The following PHACTR1 variants were observed in gnomAD, a reference collection of about 807,000 sequenced individuals.
PHACTR1 encodes the protein phosphatase and actin regulator 1, also known as RPEL repeat containing 1.
In PHACTR1, 16 loss-of-function variants were observed where a neutral mutation model predicts 69.2. That is an observed-to-expected ratio of 0.23 (90% confidence interval 0.16 to 0.35). PHACTR1 has a LOEUF of 0.35. Among genes scored for constraint, PHACTR1 ranks in the 10% least tolerant of loss-of-function variants. PHACTR1 has a pLI of 1.00. For missense variants in PHACTR1, 510 were observed against 734.7 expected (o/e 0.69, Z 3.54); for synonymous variants, 312 against 284.5 (o/e 1.10, Z -0.97).
At chr6:12,916,129 A>G (rs1256142656) in intron 4 of PHACTR1, among the ~76,000 whole-genome samples, 2 of 152,162 alleles carry the variant, frequency 1.3e-5, no homozygotes, top group Non-Finnish European at 2.9e-5. Flanking sequence ...AAACTGCTCC[A>G]AAAACTAGTT....
chr6:12,920,799 C>G (rs548240231), intron 4 of PHACTR1, among the ~76,000 whole-genome samples: 8 of 152,302 alleles, frequency 5.3e-5, no homozygotes, highest in Admixed American at 2.0e-4. Context: ...TGTCAAGCAG[C>G]TTTTGGGGAT....
At chr6:13,079,169 T>C (rs1218474759) in intron 5 of PHACTR1, among the ~76,000 whole-genome samples, 1 of 152,146 alleles carries the variant, frequency 6.6e-6, no homozygotes, top group Non-Finnish European at 1.5e-5. Flanking sequence ...TGAATCATGA[T>C]CACGGCTCTT....
chr6:12,919,933 C>A (rs910356983), intron 4 of PHACTR1, among the ~76,000 whole-genome samples: 4 of 152,204 alleles, frequency 2.6e-5, no homozygotes, highest in African/African-American at 4.8e-5. Context: ...AATTCACACA[C>A]ATTACTGCTT....
chr6:13,100,306 T>C (rs1255348643), intron 5 of PHACTR1, among the ~76,000 whole-genome samples: 1 of 152,180 alleles, frequency 6.6e-6, no homozygotes, highest in Admixed American at 6.5e-5. Context: ...AGGCAAAAGG[T>C]CTGTAGTGAT....
chr6:12,939,998 C>A (rs529815856), intron 4 of PHACTR1, among the ~76,000 whole-genome samples: 138 of 152,252 alleles, frequency 9.1e-4, no homozygotes, highest in Middle Eastern at 3.4e-3. Context: ...TAGGTAAATG[C>A]GGCAAGAAAG....
intron 4 of PHACTR1, among the ~76,000 whole-genome samples, chr6:13,003,974 T>TATATATATATAGATAG (rs1562120104): frequency 1.5e-5 from 2 of 130,874 alleles, no homozygotes; most frequent in African/African-American, 6.6e-5. Flanking sequence ...TGTATATATA[T>TATATATATATAGATAG]ATATACACAT....
intron 9 of PHACTR1, among the ~76,000 whole-genome samples, chr6:13,228,309 C>T (rs1770153509): frequency 6.6e-6 from 1 of 152,126 alleles, no homozygotes; most frequent in Non-Finnish European, 1.5e-5. Context: ...TTACTGCCAC[C>T]TCCTACCTCT....
chr6:13,023,537 G>A (rs182795481), intron 4 of PHACTR1, among the ~76,000 whole-genome samples: 2 of 152,280 alleles, frequency 1.3e-5, no homozygotes, highest in Non-Finnish European at 2.9e-5. Flanking sequence ...GCTCTTGGGG[G>A]GAAAAAGTTC....
Position 13,179,745 on chromosome 6 carries a change from T to TAGATAGAC in PHACTR1, c.497-2771_497-2770insTAGACAGA, listed in dbSNP as rs1554147639. Among the ~76,000 whole-genome samples the TAGATAGAC allele has an allele frequency of 9.4e-4, 112 of 119,444 alleles. No individual in the cohort carries two copies. Among genetic ancestry groups the TAGATAGAC allele is most frequent in the African/African-American group, 3.6e-3 (105 of 29,404 alleles). The allele number at this position is 119,444 out of a possible 152,430, so 78.4% of individuals were successfully genotyped here. A position where few individuals can be genotyped will look rare whatever the true frequency, so the allele number is the denominator to read the frequency against. ...ATAGATAGATAGATAGATAGATAGA[T>TAGATAGAC]AGACAGAACAAGGTTATCAATATTA... On this transcript the variant is annotated intron_variant, in intron 6 of 14. Coordinates refer to ENST00000332995, the MANE Select transcript of PHACTR1 (RefSeq NM_030948.6). The surrounding 1 kb of genome is among the most constrained non-coding windows in gnomAD (Gnocchi z 4.2).
chr6:13,034,263 C>G (rs903276239), intron 4 of PHACTR1, among the ~76,000 whole-genome samples: 2 of 151,956 alleles, frequency 1.3e-5, no homozygotes, highest in East Asian at 1.9e-4. Flanking sequence ...GTGATCCGCC[C>G]GCCTCGGCCT....
At chr6:12,962,085 C>G (rs1385240088) in intron 4 of PHACTR1, among the ~76,000 whole-genome samples, 2 of 151,960 alleles carry the variant, frequency 1.3e-5, no homozygotes, top group Non-Finnish European at 2.9e-5. Context: ...TATGACACCA[C>G]CTTAGCTAAT....
At chr6:13,000,600 G>A (rs1562115135) in intron 4 of PHACTR1, among the ~76,000 whole-genome samples, 1 of 133,450 alleles carries the variant, frequency 7.5e-6, no homozygotes, top group Non-Finnish European at 1.6e-5. Flanking sequence ...GAGAAGAGAG[G>A]GAAGGAGGGA....
At chr6:12,746,953 G>C (rs953079351) in intron 3 of PHACTR1, among the ~76,000 whole-genome samples, 2 of 152,154 alleles carry the variant, frequency 1.3e-5, no homozygotes, top group African/African-American at 4.8e-5. Flanking sequence ...CTTACATTTT[G>C]CACTTCCTTA....
intron 4 of PHACTR1, among the ~76,000 whole-genome samples, chr6:12,932,032 C>G (rs1788928424): frequency 6.6e-6 from 1 of 152,022 alleles, no homozygotes; most frequent in African/African-American, 2.4e-5. Flanking sequence ...CCACCCAAGA[C>G]CTACTGAATC....
intron 4 of PHACTR1, among the ~76,000 whole-genome samples, chr6:12,872,982 C>T (rs1782196539): frequency 6.6e-6 from 1 of 151,366 alleles, no homozygotes; most frequent in Admixed American, 6.6e-5. Context: ...TTCCTTCCTT[C>T]CTTCTTTCTT....
intron 3 of PHACTR1, among the ~76,000 whole-genome samples, chr6:12,741,074 TAAGA>T (rs1046712066): frequency 6.6e-6 from 1 of 152,060 alleles, no homozygotes; most frequent in African/African-American, 2.4e-5. Context: ...TCTAAGTTTC[TAAGA>T]TAGAAACTTA....
Position 12,978,006 on chromosome 6 carries a change from C to T in PHACTR1, c.251-75359C>T, listed in dbSNP as rs1795095783. 2.0e-5 allele frequency among the ~76,000 whole-genome samples: 3 copies of T among 152,326 alleles called. 1 individual carries two copies. The South Asian group carries it at 6.2e-4, about 32-fold the overall frequency. On this transcript the variant is annotated intron_variant, in intron 4 of 14. Transcript: ENST00000332995. ...GTGAACACGTGGCTAGGTCCTCTCC[C>T]AAGGCCTTTGGAAAGGGGCCCAGGC...
chr6:13,212,940 A>AT (rs1379369580), intron 8 of PHACTR1, among the ~76,000 whole-genome samples: 1 of 151,964 alleles, frequency 6.6e-6, no homozygotes, highest in Non-Finnish European at 1.5e-5. Flanking sequence ...CTATCAAAGC[A>AT]TTTTTCACCA....
chr6:12,984,714 G>T (rs1795919206), intron 4 of PHACTR1, among the ~76,000 whole-genome samples: 1 of 152,148 alleles, frequency 6.6e-6, no homozygotes, highest in African/African-American at 2.4e-5. Context: ...AAATAATTTT[G>T]GGATCATTAC....
Sources: gnomAD v4.1 joint callset for allele counts (sites outside exome capture counted in the v4.1 genomes callset) on GRCh38, gnomAD v4.1.1 for gene constraint, Gnocchi (gnomAD v3.1) non-coding constraint, MANE v1.5 for transcripts, NCBI Gene and HGNC (gene_info 2026-07-23, HGNC 2026-07-21) for gene names.